The following RRP12 variants were observed in gnomAD, a reference collection of about 807,000 sequenced individuals.
RRP12 encodes RRP12-like protein.
RRP12 carries 78 observed loss-of-function variants against 157.3 expected under a neutral mutation model. The observed-to-expected ratio is 0.50, with a 90% CI of 0.41 to 0.60. The LOEUF (loss-of-function observed/expected upper bound fraction) is 0.60. Among genes scored for constraint, RRP12 ranks in the 20% least tolerant of loss-of-function variants. The probability of loss-of-function intolerance (pLI) is 0.00; values close to 1 mark genes in which losing one functional copy is unlikely to be tolerated. For synonymous variants in RRP12, 726 were observed against 670.9 expected (o/e 1.08, Z -1.27); for missense variants, 1,521 against 1,679.9 (o/e 0.91, Z 1.65).
intron 32 of RRP12, 78 bp from the exon 33 acceptor site, chr10:97,358,697 A>T: frequency 9.0e-7 from 1 of 1,114,634 alleles, no homozygotes. Flanking sequence ...GACAGGCCCC[A>T]TAACCTCCCT....
In RRP12 at chr10:97,358,631, G is replaced by A; in HGVS notation, c.3709-12C>T. On this transcript the variant is annotated splice_polypyrimidine_tract_variant and intron_variant, in intron 32 of 33. Transcript: ENST00000370992. ...TCACCTTTTGCTTTCTGCTTGCCCA[G>A]AGAAACAGAGTCAGCTAGGAGGGTG... 1 of 1,605,886 alleles carries A rather than the reference G, an allele frequency of 6.2e-7. No homozygotes were observed. Among genetic ancestry groups the A allele is most frequent in the Non-Finnish European group, 8.5e-7 (1 of 1,172,850 alleles).
chr10:97,381,569 C>T, intron 11 of RRP12, 86 bp from the exon 12 acceptor site: 1 of 1,266,746 alleles, frequency 7.9e-7, no homozygotes, highest in Non-Finnish European at 1.1e-6. Flanking sequence ...TCCTGGGAGT[C>T]TAAGAAAGCT....
chr10:97,397,376 G>A (rs1844995874), intron 2 of RRP12, among the ~76,000 whole-genome samples: 1 of 151,724 alleles, frequency 6.6e-6, no homozygotes, highest in Non-Finnish European at 1.5e-5. Context: ...TGGCCAGGTT[G>A]GTTTTGAACT....
chr10:97,400,549 C>T lies in RRP12; in HGVS notation c.140-15G>A, dbSNP rs376534297. ...GTCACTCCTTCCTGAGAGCCAGAGG[C>T]ACAAGATAAGGTCCAAGCCTCCTTT... On this transcript the variant is annotated splice_polypyrimidine_tract_variant and intron_variant, in intron 1 of 33. Coordinates refer to ENST00000370992, the MANE Select transcript of RRP12 (RefSeq NM_015179.4). 286 of 1,605,022 alleles carry T rather than the reference C, an allele frequency of 1.8e-4. 2 individuals carry two copies. The African/African-American group carries it at 3.3e-3, about 19-fold the overall frequency.
chr10:97,378,211 A>T (rs1322568353), intron 15 of RRP12, among the ~76,000 whole-genome samples: 1 of 152,218 alleles, frequency 6.6e-6, no homozygotes, highest in Non-Finnish European at 1.5e-5. Flanking sequence ...AAATACATAC[A>T]TATGATCTAC....
In RRP12 at chr10:97,393,674, C is replaced by G; in HGVS notation, c.530+10G>C. The G allele has an allele frequency of 6.2e-7, 1 of 1,613,004 alleles. No individual in the cohort carries two copies. Among genetic ancestry groups the G allele is most frequent in the Non-Finnish European group, 8.5e-7 (1 of 1,179,038 alleles). ...AAAGCCTTGGGGTTCAAACAGGAGG[C>G]AGAACTCACCGCTTCAGGACAAGGT... On this transcript the variant is annotated intron_variant, in intron 4 of 33. Coordinates refer to ENST00000370992, the MANE Select transcript of RRP12 (RefSeq NM_015179.4).
chr10:97,371,262 T>TG, intron 20 of RRP12, 181 bp from the exon 21 acceptor site: 1 of 655,744 alleles, frequency 1.5e-6, no homozygotes. Flanking sequence ...GCACAGGGGT[T>TG]GGGGGTGTGT....
At chr10:97,365,132 C>T (rs1843938544) in intron 29 of RRP12, among the ~76,000 whole-genome samples, 1 of 152,088 alleles carries the variant, frequency 6.6e-6, no homozygotes, top group African/African-American at 2.4e-5. Context: ...GACCGAGCGG[C>T]TGCAGTCGTG....
At chr10:97,389,854 A>G (rs1222394663) in intron 6 of RRP12, among the ~76,000 whole-genome samples, 2 of 151,958 alleles carry the variant, frequency 1.3e-5, no homozygotes, top group Non-Finnish European at 2.9e-5. Flanking sequence ...CTGGGATTAC[A>G]AGCACCCACC....
At position 97,391,177 on chromosome 10, in the gene RRP12, T is replaced by C. The variant is rs188423346; in HGVS notation, c.531-333A>G. Among the ~76,000 whole-genome samples the C allele has an allele frequency of 3.9e-5, 6 of 152,280 alleles. No individual in the cohort carries two copies. The East Asian group carries it at 1.2e-3, about 29-fold the overall frequency. ...CACTCACTGCTCCAGGAATGCCCCT[T>C]CTGGGGGCCAACACTCACACTCCCT... On this transcript the variant is annotated intron_variant, in intron 4 of 33. Coordinates refer to ENST00000370992, the MANE Select transcript of RRP12 (RefSeq NM_015179.4).
intron 10 of RRP12, among the ~76,000 whole-genome samples, chr10:97,384,038 G>T (rs1589431167): frequency 6.6e-6 from 1 of 151,710 alleles, no homozygotes; most frequent in South Asian, 2.1e-4. Flanking sequence ...CCAGGAGGCT[G>T]AACAGCCTCT....
chr10:97,401,099 G>C lies in RRP12; in HGVS notation c.133C>G (p.Pro45Ala), dbSNP rs1460581669. 1 of 1,613,228 alleles carries C rather than the reference G, an allele frequency of 6.2e-7. No homozygotes were observed. The highest frequency in any genetic ancestry group is 8.5e-7 in the Non-Finnish European group (1 of 1,179,696). The change falls in exon 1 of 34, where the codon CCG (proline) becomes GCG (alanine). Residue 45 changes from proline to alanine, a missense_variant. Coordinates refer to ENST00000370992, the MANE Select transcript of RRP12 (RefSeq NM_015179.4). The stretch of plus-strand genomic sequence containing the variant: ...CGGGTCTCAACCCAGCTACCTGACG[G>C]CCGGCTGAAGAAGCGGCTGCGGGCG... ...QAARSRFFSRPSGRSDLTVDA... is the reference protein window; with the variant it reads ...QAARSRFFSRASGRSDLTVDA...
At chr10:97,358,722 A>C in intron 32 of RRP12, 103 bp from the exon 33 acceptor site, 1 of 956,150 alleles carries the variant, frequency 1.0e-6, no homozygotes, top group Non-Finnish European at 1.7e-6. Context: ...CCTCTGCCTT[A>C]GGTGGTGCCA....
chr10:97,386,101 C>A (rs778671804), intron 8 of RRP12, 108 bp from the exon 9 acceptor site: 4 of 673,232 alleles, frequency 5.9e-6, no homozygotes, highest in Non-Finnish European at 1.1e-5. Context: ...CTGAACCTCA[C>A]ACATGCCCCC....
rs2275091 is a variant in RRP12 at position 97,401,208 on chromosome 10, A to G, written c.24T>C (p.Pro8=). 1,567,750 of 1,614,120 alleles carry G rather than the reference A, an allele frequency of 0.97. 762,231 individuals are homozygous for G. The highest frequency in any genetic ancestry group is 0.98 in the Non-Finnish European group (1,160,784 of 1,180,040). Residue 8 remains proline (P), a synonymous_variant, in exon 1 of 34, where the codon CCT becomes CCC. Coordinates refer to ENST00000370992, the MANE Select transcript of RRP12 (RefSeq NM_015179.4). MGRSGKL[P]SGVSAKLKRW... ...GCTTCAACTTAGCTGAGACACCAGAAGGCAACTTTCCCGAGCGACCCATGT... is the reference window on the plus strand; with the variant it reads ...GCTTCAACTTAGCTGAGACACCAGAGGGCAACTTTCCCGAGCGACCCATGT...
intron 10 of RRP12, among the ~76,000 whole-genome samples, chr10:97,384,238 G>A (rs563161523): frequency 1.4e-5 from 2 of 147,008 alleles, no homozygotes; most frequent in East Asian, 2.0e-4. Context: ...GCAACCAGAC[G>A]CAGGCCCTGA....
At chr10:97,374,821 T>C (rs1844261849) in intron 15 of RRP12, among the ~76,000 whole-genome samples, 1 of 151,210 alleles carries the variant, frequency 6.6e-6, no homozygotes, top group South Asian at 2.1e-4. Context: ...ATATATAGCA[T>C]TCTGTAACCT....
chr10:97,384,670 A>T (rs1844568887), intron 10 of RRP12, among the ~76,000 whole-genome samples: 1 of 145,138 alleles, frequency 6.9e-6, no homozygotes, highest in African/African-American at 2.6e-5. Flanking sequence ...AGAACTCCAT[A>T]ACCTCAGCAG....
chr10:97,379,509 C>T (rs552948561), intron 14 of RRP12, 95 bp from the exon 15 acceptor site: 4 of 1,590,838 alleles, frequency 2.5e-6, no homozygotes, highest in Middle Eastern at 1.7e-4. Context: ...AAGACCTCCT[C>T]TGGCCCCTCC....
Sources: allele counts gnomAD v4.1 joint callset (sites outside exome capture counted in the v4.1 genomes callset), GRCh38; gene constraint gnomAD v4.1.1; transcripts MANE v1.5; gene names NCBI Gene and HGNC (gene_info 2026-07-23, HGNC 2026-07-21).